GALNTL6: variants seen among roughly 807,000 people sequenced by gnomAD.
The protein encoded by GALNTL6 is polypeptide N-acetylgalactosaminyltransferase-like 6.
A neutral mutation model predicts 73.7 loss-of-function variants in GALNTL6; 46 were observed. The ratio of observed to expected loss-of-function variants is 0.62; its 90% confidence interval spans 0.49 to 0.80. The LOEUF is 0.80. Among genes scored for constraint, GALNTL6 ranks in the 30% least tolerant of loss-of-function variants. The pLI is 0.00. For missense variants in GALNTL6, 604 were observed against 755.0 expected, an observed-to-expected ratio of 0.80 and a Z score of 2.34; for synonymous variants, 259 against 263.7, an observed-to-expected ratio of 0.98 and a Z score of 0.17.
intron 7 of GALNTL6, among the ~76,000 whole-genome samples, chr4:172,870,162 T>G (rs935784991): frequency 6.6e-6 from 1 of 152,074 alleles, no homozygotes; most frequent in Non-Finnish European, 1.5e-5. Flanking sequence ...ACAAGAACAT[T>G]TAAGGATCAT....
intron 7 of GALNTL6, among the ~76,000 whole-genome samples, chr4:172,840,047 T>C (rs974338511): frequency 6.6e-6 from 1 of 152,190 alleles, no homozygotes; most frequent in African/African-American, 2.4e-5. Flanking sequence ...TTTTAAATAT[T>C]TTTAGCACTA....
rs193070758 is a variant in GALNTL6, at chr4:171,909,712, T to A, written c.138+94994T>A. Among the ~76,000 whole-genome samples, 1,108 of 152,234 alleles carry A rather than the reference T, an allele frequency of 7.3e-3. 19 individuals carry two copies. Among genetic ancestry groups the A allele is most frequent in the Non-Finnish European group, 7.1e-3 (480 of 67,998 alleles). ...AGGAAGTCTAGCAATTAGAAACAAATCTCCTTTGAAGGATCTTAACATGTA... is the reference window on the plus strand; with the variant it reads ...AGGAAGTCTAGCAATTAGAAACAAAACTCCTTTGAAGGATCTTAACATGTA... On this transcript the variant is annotated intron_variant, in intron 2 of 12. Coordinates refer to ENST00000506823, the MANE Select transcript of GALNTL6 (RefSeq NM_001034845.3).
At chr4:171,948,153 TA>T (rs1738757527) in intron 2 of GALNTL6, among the ~76,000 whole-genome samples, 1 of 85,250 alleles carries the variant, frequency 1.2e-5, no homozygotes, top group Non-Finnish European at 2.3e-5. Context: ...AAATGATCTT[TA>T]AAAGAAAATT....
intron 2 of GALNTL6, among the ~76,000 whole-genome samples, chr4:171,869,258 A>G (rs1736068293): frequency 6.6e-6 from 1 of 152,178 alleles, no homozygotes; most frequent in Non-Finnish European, 1.5e-5. Context: ...AAAGGAAGGA[A>G]AGAATCATGT....
chr4:172,420,987 GA>G (rs1244326618), intron 5 of GALNTL6, among the ~76,000 whole-genome samples: 2 of 151,778 alleles, frequency 1.3e-5, no homozygotes, highest in African/African-American at 2.4e-5. Context: ...ACGGGGAGGG[GA>G]ACCAGGGCCT....
chr4:172,015,020 T>C (rs1741141543), intron 2 of GALNTL6, among the ~76,000 whole-genome samples: 1 of 152,264 alleles, frequency 6.6e-6, no homozygotes, highest in African/African-American at 2.4e-5. Flanking sequence ...AAGGAATGTA[T>C]AATCTGCAAT....
At chr4:173,020,774 G>A (rs72708762) in intron 11 of GALNTL6, among the ~76,000 whole-genome samples, 3,500 of 152,248 alleles carry the variant, frequency 0.023, 71 homozygotes, top group Non-Finnish European at 0.031. Flanking sequence ...ACCGTAGAGT[G>A]TTATTAAGGA....
At chr4:172,668,688 T>A (rs1016870960) in intron 5 of GALNTL6, 1 of 152,164 alleles carries the variant, frequency 6.6e-6, no homozygotes, top group Non-Finnish European at 1.5e-5. Context: ...AAAAGCCTCT[T>A]TTCTCTTTTG....
chr4:172,931,365 C>A, intron 9 of GALNTL6, 97 bp downstream of exon 9: 1 of 772,004 alleles, frequency 1.3e-6, no homozygotes, highest in Non-Finnish European at 2.4e-6. Flanking sequence ...AAAAGCTCTC[C>A]AGTGTACAGA....
At chr4:172,846,492 T>A (rs1341888145) in intron 7 of GALNTL6, among the ~76,000 whole-genome samples, 2 of 152,110 alleles carry the variant, frequency 1.3e-5, no homozygotes, top group South Asian at 2.1e-4. Context: ...TCTCAAAGAA[T>A]TAGGACAACT....
intron 5 of GALNTL6, among the ~76,000 whole-genome samples, chr4:172,553,629 C>T (rs1736041228): frequency 6.6e-6 from 1 of 152,188 alleles, no homozygotes; most frequent in East Asian, 1.9e-4. Context: ...AATTCTGATT[C>T]ATCATAACAC....
At chr4:172,875,188 T>C (rs956767619) in intron 7 of GALNTL6, among the ~76,000 whole-genome samples, 4 of 152,196 alleles carry the variant, frequency 2.6e-5, no homozygotes, top group Admixed American at 2.6e-4. Context: ...ATCTGGCTAT[T>C]AATGTTAATG....
intron 5 of GALNTL6, among the ~76,000 whole-genome samples, chr4:172,525,010 T>C (rs1301398386): frequency 9.2e-5 from 14 of 152,214 alleles, no homozygotes. Context: ...TATGGATATA[T>C]AATTTTTTGG....
intron 5 of GALNTL6, among the ~76,000 whole-genome samples, chr4:172,597,764 A>G (rs1342434216): frequency 6.6e-6 from 1 of 152,192 alleles, no homozygotes; most frequent in African/African-American, 2.4e-5. Flanking sequence ...TTCAGAAAAT[A>G]CTGGCAACAT....
chr4:172,008,099 G>A (rs1032544364), intron 2 of GALNTL6, among the ~76,000 whole-genome samples: 3 of 151,944 alleles, frequency 2.0e-5, no homozygotes, highest in African/African-American at 7.2e-5. Context: ...GAGAATCAAG[G>A]TTTATTTTCA....
chr4:172,826,258 A>G (rs1448452161), intron 7 of GALNTL6, among the ~76,000 whole-genome samples: 1 of 152,196 alleles, frequency 6.6e-6, no homozygotes, highest in African/African-American at 2.4e-5. Context: ...ATACCTTCAA[A>G]ACAACCCAGA....
chr4:172,073,723 C>T (rs1731622631), intron 2 of GALNTL6, among the ~76,000 whole-genome samples: 2 of 152,174 alleles, frequency 1.3e-5, no homozygotes, highest in Non-Finnish European at 2.9e-5. Flanking sequence ...TTGCCTGAAG[C>T]TAGAGACAGC....
intron 2 of GALNTL6, among the ~76,000 whole-genome samples, chr4:171,992,752 G>C (rs866157178): frequency 3.3e-5 from 5 of 152,024 alleles, no homozygotes; most frequent in Admixed American, 2.0e-4. Flanking sequence ...GAAAGCCTAA[G>C]TAGCCTAGGG....
chr4:172,775,504 T>C (rs11932974), intron 5 of GALNTL6, among the ~76,000 whole-genome samples: 21,796 of 152,170 alleles, frequency 0.14, 1,811 homozygotes, highest in Admixed American at 0.24. Flanking sequence ...TCTGTAATCT[T>C]TGGATGGTAC....
Sources: gnomAD v4.1 joint callset for allele counts (sites outside exome capture counted in the v4.1 genomes callset) on GRCh38, gnomAD v4.1.1 for gene constraint, MANE v1.5 for transcripts, NCBI Gene and HGNC (gene_info 2026-07-23, HGNC 2026-07-21) for gene names.